CACNA1C: variants seen among roughly 807,000 people sequenced by gnomAD.
The protein encoded by CACNA1C is calcium voltage-gated channel subunit alpha1 C.
A neutral mutation model predicts 229.0 loss-of-function variants in CACNA1C; 30 were observed. The ratio of observed to expected loss-of-function variants is 0.13; its 90% CI spans 0.10 to 0.18. The LOEUF (loss-of-function observed/expected upper bound fraction) is 0.18, where lower values mean the gene tolerates loss of function less well. Ranked by LOEUF, CACNA1C falls within the 10% of genes least tolerant of loss-of-function variation. The pLI is 1.00. For missense variants in CACNA1C, 1,658 were observed against 2,845.0 expected, an observed-to-expected ratio of 0.58 and a Z score of 9.49; for synonymous variants, 1,114 against 1,132.5, an observed-to-expected ratio of 0.98 and a Z score of 0.33.
At chr12:2,142,758 A>G (rs1386234239) in intron 3 of CACNA1C, among the ~76,000 whole-genome samples, 2 of 151,344 alleles carry the variant, frequency 1.3e-5, no homozygotes, top group Non-Finnish European at 3.0e-5. Flanking sequence ...GTTTTTAACA[A>G]AAACCTTGAA....
chr12:2,053,538 C>G lies in CACNA1C; in HGVS notation c.-25C>G. 6.3e-7 allele frequency: 1 copy of G among 1,578,246 alleles called. No individual in the cohort carries two copies. The highest frequency in any genetic ancestry group is 8.6e-7 in the Non-Finnish European group (1 of 1,161,954). On this transcript the variant is annotated 5_prime_UTR_variant, in exon 1 of 47. Coordinates refer to ENST00000399655, the MANE Select transcript of CACNA1C (RefSeq NM_000719.7). The surrounding 1 kb of genome is among the most constrained non-coding windows in gnomAD (Gnocchi z 5.8). ...CATTTCTTCCTCTTCGTGGCTGCTC[C>G]TCCTATTAAAACCATTTTTGGTCCA...
chr12:2,526,168 G>A (rs1181413027), intron 9 of CACNA1C, among the ~76,000 whole-genome samples: 2 of 152,148 alleles, frequency 1.3e-5, no homozygotes, highest in Non-Finnish European at 2.9e-5. Context: ...TAGCTCCATC[G>A]CCATCCAAAA....
chr12:2,188,962 G>A (rs1410996712), intron 3 of CACNA1C, among the ~76,000 whole-genome samples: 4 of 151,870 alleles, frequency 2.6e-5, no homozygotes, highest in African/African-American at 7.3e-5. Flanking sequence ...CCGTGGTGGC[G>A]GGTGCCTGTA....
At position 2,242,959 on chromosome 12, in the gene CACNA1C, C is replaced by T. The variant is rs1600411089; in HGVS notation, c.477+122529C>T. Among the ~76,000 whole-genome samples the T allele has an allele frequency of 2.6e-5, 4 of 152,330 alleles. No homozygotes were observed. The South Asian group carries it at 8.3e-4, about 32-fold the overall frequency. On this transcript the variant is annotated intron_variant, in intron 3 of 46. Transcript: ENST00000399655. ...AGGGTCTGAGAGGTGAAGTGACTTA[C>T]CCACGATCATAGGGTTTATAATTGG...
At chr12:2,084,866 T>C (rs183267253) in intron 1 of CACNA1C, among the ~76,000 whole-genome samples, 111 of 152,338 alleles carry the variant, frequency 7.3e-4, no homozygotes, top group Middle Eastern at 3.4e-3. Context: ...TTTTTTCATC[T>C]AAGTATAGTC....
intron 3 of CACNA1C, among the ~76,000 whole-genome samples, chr12:2,388,843 T>C (rs1567396218): frequency 6.6e-6 from 1 of 152,182 alleles, no homozygotes; most frequent in Non-Finnish European, 1.5e-5. Context: ...ATGGTCCATG[T>C]TGGGTTTGTG....
Position 2,275,027 on chromosome 12 carries a change from C to A in CACNA1C, c.477+154597C>A, listed in dbSNP as rs867337542. ...TCTTGACAGAGTGATGATTGGGATT[C>A]CATGCCTGCACCAGTGGTGGGAGAG... On this transcript the variant is annotated intron_variant, in intron 3 of 46. Transcript: ENST00000399655. This position sits in a 1 kb window ranked among gnomAD's most constrained non-coding sequence, Gnocchi z 4.1. Among the ~76,000 whole-genome samples, 1 of 152,210 alleles carries A rather than the reference C, an allele frequency of 6.6e-6. No homozygotes were observed. Among genetic ancestry groups the A allele is most frequent in the African/African-American group, 2.4e-5 (1 of 41,454 alleles).
intron 9 of CACNA1C, among the ~76,000 whole-genome samples, chr12:2,519,625 A>G (rs1266882663): frequency 6.6e-6 from 1 of 152,166 alleles, no homozygotes; most frequent in African/African-American, 2.4e-5. Flanking sequence ...AAGCATTGGG[A>G]GTTCTTAAGC....
intron 1 of CACNA1C, among the ~76,000 whole-genome samples, chr12:2,019,348 C>T (rs901808333): frequency 6.6e-6 from 1 of 152,006 alleles, no homozygotes; most frequent in Non-Finnish European, 1.5e-5. Flanking sequence ...CCTGTAGTCC[C>T]AGCCACTCAG....
At chr12:2,688,136 A>G (rs1352743026) in intron 45 of CACNA1C, among the ~76,000 whole-genome samples, 2 of 152,234 alleles carry the variant, frequency 1.3e-5, no homozygotes, top group Non-Finnish European at 2.9e-5. Context: ...GAGCGAGAGA[A>G]TGCACAGCTG....
In CACNA1C at chr12:2,034,368, A is replaced by G. The variant is rs1310976578; in HGVS notation, c.139+63167A>G. ...TAACTGAAAGAGAACTACAGGGAAG[A>G]TGTCAGAGGAACGAGATTCCACGCA... On this transcript the variant is annotated intron_variant, in intron 1 of 46. Transcript: ENST00000682462. This position sits in a 1 kb window ranked among gnomAD's most constrained non-coding sequence, Gnocchi z 4.1. Among the ~76,000 whole-genome samples the G allele has an allele frequency of 6.6e-6, 1 of 152,206 alleles. No homozygotes were observed. Among genetic ancestry groups the G allele is most frequent in the Non-Finnish European group, 1.5e-5 (1 of 68,036 alleles).
chr12:2,004,451 T>G (rs376554458), intron 1 of CACNA1C: 40 of 1,597,046 alleles, frequency 2.5e-5, no homozygotes, highest in East Asian at 4.5e-5. Context: ...CTCCCAGACA[T>G]AGGCACGGGG....
intron 3 of CACNA1C, among the ~76,000 whole-genome samples, chr12:2,137,540 T>C (rs1158977515): frequency 6.6e-6 from 1 of 151,178 alleles, no homozygotes; most frequent in Non-Finnish European, 1.5e-5. Flanking sequence ...GAGCTATGAT[T>C]ACACCAGGGT....
intron 1 of CACNA1C, among the ~76,000 whole-genome samples, chr12:2,104,057 C>T (rs914377616): frequency 3.3e-5 from 5 of 152,114 alleles, no homozygotes; most frequent in African/African-American, 1.2e-4. Context: ...CTTGGCTATG[C>T]GGGCTCTTTT....
At chr12:2,334,722 G>GT (rs1279316374) in intron 3 of CACNA1C, among the ~76,000 whole-genome samples, 6 of 151,662 alleles carry the variant, frequency 4.0e-5, no homozygotes, top group African/African-American at 9.7e-5. Context: ...TTGAAACTCA[G>GT]TTTTTTCAGC....
At chr12:2,501,440 G>A (rs545610859) in intron 7 of CACNA1C, among the ~76,000 whole-genome samples, 19 of 152,094 alleles carry the variant, frequency 1.2e-4, no homozygotes, top group African/African-American at 2.2e-4. Context: ...CAGAGAGTCC[G>A]ATACACAACA....
chr12:2,494,007 A>C (rs941036025), intron 7 of CACNA1C, among the ~76,000 whole-genome samples: 3 of 150,548 alleles, frequency 2.0e-5, no homozygotes, highest in African/African-American at 7.3e-5. Flanking sequence ...TTAGAAATAC[A>C]CTTTTTTTTT....
intron 3 of CACNA1C, among the ~76,000 whole-genome samples, chr12:2,335,729 G>A (rs1394390387): frequency 6.6e-6 from 1 of 152,160 alleles, no homozygotes; most frequent in Non-Finnish European, 1.5e-5. Flanking sequence ...CCCAGAGTGA[G>A]GACATCTGCC....
At position 2,679,734 on chromosome 12, in the gene CACNA1C, C is replaced by T. The variant is rs377680168; in HGVS notation, c.5382C>T (p.His1794=). 1.4e-5 allele frequency: 22 copies of T among 1,604,866 alleles called. No homozygotes were observed. In the African/African-American group the frequency reaches 1.5e-4, roughly 11 times the overall value. The part of the protein sequence containing the change: ...YPSTVSTVEG[H]GPPLSPAIRV... ...GCACGGTCAGCACTGTGGAGGGCCA[C>T]GGGCCCCCCTTGTCCCCTGCCATCC... The change falls in exon 42 of 47, where the codon CAC becomes CAT. Residue 1794 remains histidine, a synonymous_variant. Transcript: ENST00000399655. The surrounding 1 kb of genome is among the most constrained non-coding windows in gnomAD (Gnocchi z 5.5).
Sources: allele counts gnomAD v4.1 joint callset (sites outside exome capture counted in the v4.1 genomes callset), GRCh38; gene constraint gnomAD v4.1.1; non-coding constraint Gnocchi (gnomAD v3.1); transcripts MANE v1.5; gene names NCBI Gene and HGNC (gene_info 2026-07-23, HGNC 2026-07-21).